The following CA8 variants were observed in gnomAD, a reference collection of about 807,000 sequenced individuals.
CA8 encodes carbonic anhydrase-related protein.
A neutral mutation model predicts 41.4 loss-of-function variants in CA8; 22 were observed. The ratio of observed to expected loss-of-function variants is 0.53; its 90% confidence interval spans 0.38 to 0.76. The LOEUF (loss-of-function observed/expected upper bound fraction) is 0.76. Among genes scored for constraint, CA8 ranks in the 30% least tolerant of loss-of-function variants. The probability of loss-of-function intolerance (pLI) is 0.00; values close to 1 mark genes in which losing one functional copy is unlikely to be tolerated. For synonymous variants in CA8, 121 were observed against 130.6 expected (o/e 0.93, Z 0.50); for missense variants, 270 against 352.8 (o/e 0.77, Z 1.88).
rs979008602 is a variant in CA8 at position 60,281,137 on chromosome 8, A to G, written c.11T>C (p.Leu4Pro). The G allele has an allele frequency of 6.4e-7, 1 of 1,572,752 alleles. No individual in the cohort carries two copies. Among genetic ancestry groups the G allele is most frequent in the Admixed American group, 1.8e-5 (1 of 55,368 alleles). ...GGCGACGGTATCTTCGATGAAGCTC[A>G]GGTCCGCCATGGGAAGGCCGCGGGG... The part of the protein sequence containing the change: MAD[L>P]SFIEDTVAFP... Residue 4 changes from leucine to proline, a missense_variant, in exon 1 of 9, where the codon CTG becomes CCG. This residue lies in a region of CA8 where 123 missense variants were observed against 136.8 expected (regional missense o/e 0.90). Transcript: ENST00000317995.
intron 3 of CA8, among the ~76,000 whole-genome samples, chr8:60,250,061 T>A (rs1808394097): frequency 6.6e-6 from 1 of 152,194 alleles, no homozygotes; most frequent in Admixed American, 6.5e-5. Flanking sequence ...CATTACATAT[T>A]CCTATAATAC....
intron 7 of CA8, among the ~76,000 whole-genome samples, chr8:60,215,898 C>T (rs1202053380): frequency 1.3e-5 from 2 of 152,310 alleles, no homozygotes; most frequent in Admixed American, 1.3e-4. Context: ...ATACTATTAT[C>T]CTATGGCAGG....
At chr8:60,190,957 T>TATATATATATATATATATATATACACAC (rs1554573722) in intron 8 of CA8, among the ~76,000 whole-genome samples, 3,305 of 102,026 alleles carry the variant, frequency 0.032, 117 homozygotes, top group Middle Eastern at 0.065. Context: ...TATATATATA[T>TATATATATATATATATATATATACACAC]ACACACACAC....
rs531924376 is a variant in CA8 at position 60,240,719 on chromosome 8, CT to C, written c.418-8341del. On this transcript the variant is annotated intron_variant, in intron 3 of 8. Transcript: ENST00000317995. ...CTGTGTCCTGATTTTGCTTAATTGC[CT>C]TCCTCAGCCCCCAAAAAATCCAACT... Among the ~76,000 whole-genome samples the C allele has an allele frequency of 3.3e-3, 384 of 116,864 alleles. 1 individual carries two copies. Among genetic ancestry groups the C allele is most frequent in the African/African-American group, 0.019 (358 of 19,260 alleles). The allele number at this position is 116,864 out of a possible 152,430, so 76.7% of individuals were successfully genotyped here. A position where few individuals can be genotyped will look rare whatever the true frequency, so the allele number is the denominator to read the frequency against.
chr8:60,237,162 T>C (rs1056369332), intron 3 of CA8, among the ~76,000 whole-genome samples: 2 of 152,214 alleles, frequency 1.3e-5, no homozygotes, highest in Non-Finnish European at 2.9e-5. Context: ...TCTTAGATTC[T>C]TGTTTCAGTC....
intron 3 of CA8, among the ~76,000 whole-genome samples, chr8:60,252,952 C>T (rs149687815): frequency 1.2e-3 from 183 of 152,056 alleles, no homozygotes; most frequent in African/African-American, 4.2e-3. Context: ...CAACATGGCT[C>T]AGGGTGGTGG....
chr8:60,225,176 G>A (rs1193955427), intron 5 of CA8, among the ~76,000 whole-genome samples: 3 of 152,086 alleles, frequency 2.0e-5, no homozygotes, highest in Non-Finnish European at 4.4e-5. Context: ...GGAATCATTT[G>A]TGCTCTTATT....
intron 8 of CA8, among the ~76,000 whole-genome samples, chr8:60,199,790 T>C (rs761721804): frequency 6.6e-6 from 1 of 152,220 alleles, no homozygotes; most frequent in Non-Finnish European, 1.5e-5. Flanking sequence ...TTAACTGCAA[T>C]GTTTAAGTAA....
intron 4 of CA8, among the ~76,000 whole-genome samples, chr8:60,230,347 T>A (rs1807599602): frequency 6.6e-6 from 1 of 152,194 alleles, no homozygotes; most frequent in East Asian, 1.9e-4. Context: ...ATTTTTAATC[T>A]CTATGTCTGC....
Position 60,222,726 on chromosome 8 carries a change from A to G in CA8, c.661T>C (p.Ser221Pro). The change falls in exon 7 of 9, where the codon TCT (serine) becomes CCT (proline). Residue 221 changes from serine to proline, a missense_variant. By Grantham distance (74) the Ser-to-Pro change is moderately conservative (BLOSUM62 -1). Transcript: ENST00000317995. ...LLRDYWVYEG[S>P]LTIPPCSEGV... is the part of the protein sequence containing the mutation. ...TCACTGCAAGGTGGGATGGTGAGAGAGCCTTCATACACCCAGTAATCCCGC... is the reference window on the plus strand; with the variant it reads ...TCACTGCAAGGTGGGATGGTGAGAGGGCCTTCATACACCCAGTAATCCCGC... The G allele has an allele frequency of 6.2e-7, 1 of 1,613,912 alleles. No individual in the cohort carries two copies. Among genetic ancestry groups the G allele is most frequent in the Non-Finnish European group, 8.5e-7 (1 of 1,179,766 alleles).
intron 7 of CA8, among the ~76,000 whole-genome samples, chr8:60,216,707 T>C (rs555985008): frequency 6.6e-6 from 1 of 152,260 alleles, no homozygotes; most frequent in East Asian, 1.9e-4. Flanking sequence ...CTGGCCAGTA[T>C]AGTAGTAAAA....
chr8:60,254,000 C>A (rs1808537187), intron 3 of CA8, among the ~76,000 whole-genome samples: 1 of 152,170 alleles, frequency 6.6e-6, no homozygotes, highest in Admixed American at 6.5e-5. Context: ...ACGGTCATAC[C>A]CTCAGCACCA....
intron 7 of CA8, among the ~76,000 whole-genome samples, chr8:60,214,954 G>A (rs984729477): frequency 6.6e-6 from 1 of 152,146 alleles, no homozygotes; most frequent in Admixed American, 6.5e-5. Flanking sequence ...TGAAAATGTA[G>A]ATAAGCTAAG....
At chr8:60,238,852 T>G (rs1807923112) in intron 3 of CA8, among the ~76,000 whole-genome samples, 1 of 152,106 alleles carries the variant, frequency 6.6e-6, no homozygotes, top group Non-Finnish European at 1.5e-5. Flanking sequence ...TGGAATGCCT[T>G]TCCCCAATCT....
At chr8:60,279,950 A>T in intron 1 of CA8, 70 bp from the exon 2 acceptor site, 2 of 1,294,814 alleles carry the variant, frequency 1.5e-6, no homozygotes, top group Non-Finnish European at 2.2e-6. Flanking sequence ...ACATGTAAAA[A>T]CTAAACACTT....
At chr8:60,274,680 C>G (rs1804176282) in intron 2 of CA8, among the ~76,000 whole-genome samples, 1 of 152,114 alleles carries the variant, frequency 6.6e-6, no homozygotes, top group Non-Finnish European at 1.5e-5. Context: ...GGACGTAGCA[C>G]CGAAGCACCA....
intron 2 of CA8, among the ~76,000 whole-genome samples, chr8:60,274,054 A>G (rs1348576489): frequency 6.6e-6 from 1 of 152,256 alleles, no homozygotes; most frequent in Non-Finnish European, 1.5e-5. Flanking sequence ...ATAAAACAAA[A>G]TAACTGAGGC....
chr8:60,257,980 A>C (rs1803605570), intron 3 of CA8, among the ~76,000 whole-genome samples: 1 of 152,228 alleles, frequency 6.6e-6, no homozygotes, highest in South Asian at 2.1e-4. Context: ...TGGTCCAAAA[A>C]TATTAAATGG....
rs924305807 is a variant in CA8, at chr8:60,201,204, T to C, written c.*35+7546A>G. Among the ~76,000 whole-genome samples, 9 of 152,340 alleles carry C rather than the reference T, an allele frequency of 5.9e-5. No homozygotes were observed. In the East Asian group the frequency reaches 1.5e-3, roughly 26 times the overall value. On this transcript the variant is annotated intron_variant, in intron 8 of 8. Coordinates refer to ENST00000317995, the MANE Select transcript of CA8 (RefSeq NM_004056.6). ...AATTCAATATTGTATATGTTGAGTT[T>C]GAGATGTCTTTGACACATCTAAAAG...
Sources: gnomAD v4.1 joint callset for allele counts (sites outside exome capture counted in the v4.1 genomes callset) on GRCh38, gnomAD v4.1.1 for gene constraint, gnomAD v4.1.1 regional missense constraint, MANE v1.5 for transcripts, NCBI Gene and HGNC (gene_info 2026-07-23, HGNC 2026-07-21) for gene names.